Variants in TMEM50B observed in about 807,000 individuals in gnomAD.
The protein encoded by TMEM50B is transmembrane protein 50B.
Under a neutral mutation model 23.4 loss-of-function variants are expected in TMEM50B, and 14 were observed. The ratio of observed to expected loss-of-function variants is 0.60; its 90% CI spans 0.39 to 0.93. The LOEUF (loss-of-function observed/expected upper bound fraction) is 0.93, where lower values mean the gene tolerates loss of function less well. Among genes scored for constraint, TMEM50B ranks in the 40% least tolerant of loss-of-function variants. The pLI is 0.00. For synonymous variants in TMEM50B, 64 were observed against 62.3 expected, an observed-to-expected ratio of 1.03 and a Z score of -0.13; for missense variants, 159 against 193.0, an observed-to-expected ratio of 0.82 and a Z score of 1.04.
chr21:33,447,142 T>G (rs1568973350), downstream of TMEM50B: 1 of 79,352 alleles, frequency 1.3e-5, no homozygotes, highest in African/African-American at 9.1e-5. Flanking sequence ...AAACTCCATC[T>G]GAAAAAAAAA....
rs553600527 is a variant in TMEM50B, at chr21:33,475,007, A to C, written c.-42+4831T>G. 8.6e-5 allele frequency among the ~76,000 whole-genome samples: 13 copies of C among 150,352 alleles called. No homozygotes were observed. The South Asian group carries it at 2.8e-3, about 32-fold the overall frequency. On this transcript the variant is annotated intron_variant, in intron 1 of 6. Transcript: ENST00000542230. Reference sequence around the variant, plus strand: ...AGTGGCGTGATCTGAGCTCACTGCAACCTCCACCTCCCAGGTTCAAGCAAT... The same window carrying C: ...AGTGGCGTGATCTGAGCTCACTGCACCCTCCACCTCCCAGGTTCAAGCAAT...
At chr21:33,434,820 A>T (rs1276765497) in intron 8 of TMEM50B, among the ~76,000 whole-genome samples, 2 of 152,268 alleles carry the variant, frequency 1.3e-5, no homozygotes, top group African/African-American at 4.8e-5. Flanking sequence ...TCAGAATCTT[A>T]CTTGCAGTAA....
At chr21:33,432,624 T>C (rs969598877) in exon 9 of TMEM50B, 28 of 1,416,274 alleles carry the variant, frequency 2.0e-5, no homozygotes, top group Non-Finnish European at 2.7e-5. Context: ...AGGACAGGAA[T>C]GCTCTTTAAG....
chr21:33,444,143 C>T (rs552081807), downstream of TMEM50B, among the ~76,000 whole-genome samples: 7 of 150,606 alleles, frequency 4.6e-5, no homozygotes, highest in Non-Finnish European at 7.4e-5. Flanking sequence ...TCCGGTGATC[C>T]GCCCACCTTG....
chr21:33,461,929 T>C (rs1387244086), intron 4 of TMEM50B, among the ~76,000 whole-genome samples: 1 of 152,096 alleles, frequency 6.6e-6, no homozygotes, highest in African/African-American at 2.4e-5. Flanking sequence ...TCTGAGGGCA[T>C]ATTAACAAAA....
In TMEM50B at chr21:33,466,991, G is replaced by T. The variant is rs958800562; in HGVS notation, c.212+19C>A. 2.5e-6 allele frequency: 4 copies of T among 1,597,530 alleles called. No individual in the cohort carries two copies. The highest frequency in any genetic ancestry group is 2.6e-6 in the Non-Finnish European group (3 of 1,166,686). On this transcript the variant is annotated intron_variant, in intron 3 of 6. Coordinates refer to ENST00000542230, the MANE Select transcript of TMEM50B (RefSeq NM_006134.7). ...TTTTAGAAAAATCACCTTGAATAGA[G>T]AATTATCTTCATACTTACATGAAGA... is the stretch of plus-strand genomic sequence containing the variant.
chr21:33,437,189 C>T (rs1315442008), intron 8 of TMEM50B: 2 of 524,398 alleles, frequency 3.8e-6, no homozygotes, highest in African/African-American at 3.8e-5. Flanking sequence ...CGGAGATATC[C>T]CAGGAAAATT....
At chr21:33,466,896 G>A in intron 3 of TMEM50B, 114 bp downstream of exon 3, 1 of 765,798 alleles carries the variant, frequency 1.3e-6, no homozygotes, top group Non-Finnish European at 2.0e-6. Flanking sequence ...TATGTATCAT[G>A]TTAAAAAATA....
chr21:33,475,939 GC>G lies in TMEM50B; in HGVS notation c.-42+3898del, dbSNP rs1367678439. Among the ~76,000 whole-genome samples, 7 of 151,120 alleles carry G rather than the reference GC, an allele frequency of 4.6e-5. No individual in the cohort carries two copies. In the East Asian group the frequency reaches 1.4e-3, roughly 31 times the overall value. On this transcript the variant is annotated intron_variant, in intron 1 of 6. Transcript: ENST00000542230. The stretch of plus-strand genomic sequence containing the variant: ...ACTGCACTCCGGCCTGGGCAGCAGA[GC>G]CCCCTCTAATCTGAAGGACCTCTCT...
At chr21:33,433,194 A>G (rs1196710050) in intron 8 of TMEM50B, among the ~76,000 whole-genome samples, 2 of 151,928 alleles carry the variant, frequency 1.3e-5, no homozygotes, top group Admixed American at 1.3e-4. Flanking sequence ...CCACGCAGAC[A>G]TCTTAATGGT....
intron 1 of TMEM50B, among the ~76,000 whole-genome samples, chr21:33,471,225 C>G (rs997580022): frequency 2.0e-5 from 3 of 152,136 alleles, no homozygotes; most frequent in African/African-American, 7.2e-5. Flanking sequence ...AAATATAAAA[C>G]CAAGTCTCCA....
downstream of TMEM50B, among the ~76,000 whole-genome samples, chr21:33,446,270 T>G (rs565762637): frequency 3.2e-4 from 48 of 150,962 alleles, no homozygotes; most frequent in Non-Finnish European, 6.3e-4. Flanking sequence ...ACAGTCTTGC[T>G]CTGTTGCCCA....
At chr21:33,477,009 G>C (rs1253582764) in intron 1 of TMEM50B, among the ~76,000 whole-genome samples, 3 of 151,694 alleles carry the variant, frequency 2.0e-5, no homozygotes, top group Non-Finnish European at 4.4e-5. Flanking sequence ...TTCTGAAAAT[G>C]AGGCAAGTTG....
At chr21:33,465,431 AAATG>A (rs1427691779) in intron 3 of TMEM50B, 22 bp from the exon 4 acceptor site, 2 of 1,593,966 alleles carry the variant, frequency 1.3e-6, no homozygotes, top group Non-Finnish European at 1.7e-6. Flanking sequence ...CAAAATCATC[AAATG>A]AATTTCAGTA....
At chr21:33,439,867 GA>G (rs2083993266) in intron 7 of TMEM50B, among the ~76,000 whole-genome samples, 2 of 151,646 alleles carry the variant, frequency 1.3e-5, no homozygotes, top group Non-Finnish European at 1.5e-5. Flanking sequence ...TCAACATGGC[GA>G]AAACCTGTTT....
chr21:33,467,442 G>A (rs974247368), intron 2 of TMEM50B, among the ~76,000 whole-genome samples: 4 of 152,184 alleles, frequency 2.6e-5, no homozygotes, highest in Non-Finnish European at 5.9e-5. Context: ...TGGTCAACAT[G>A]GTGAAACCTC....
At chr21:33,473,912 T>A (rs2084342264) in intron 1 of TMEM50B, among the ~76,000 whole-genome samples, 1 of 152,034 alleles carries the variant, frequency 6.6e-6, no homozygotes, top group African/African-American at 2.4e-5. Context: ...AACAACTGAC[T>A]AAGTAAAAGA....
rs2084099771 is a variant in TMEM50B, at chr21:33,449,718, TTTAA to T, written c.*1096_*1099del. 6.6e-6 allele frequency: 1 copy of T among 152,542 alleles called. No individual in the cohort carries two copies. Among genetic ancestry groups the T allele is most frequent in the South Asian group, 2.1e-4 (1 of 4,836 alleles). 9.4% of individuals were successfully genotyped at this position (152,542 alleles called of 1,614,324 possible). A position where few individuals can be genotyped will look rare whatever the true frequency, so the allele number is the denominator to read the frequency against. On this transcript the variant is annotated 3_prime_UTR_variant, in exon 7 of 7. Transcript: ENST00000542230. ...TCCCTTTGGGAAGAAGTGCTTTATC[TTTAA>T]TTATTCCACTTTTTGTTAAATGGTT...
intron 8 of TMEM50B, among the ~76,000 whole-genome samples, chr21:33,437,740 T>G (rs2083971364): frequency 6.6e-6 from 1 of 152,142 alleles, no homozygotes; most frequent in South Asian, 2.1e-4. Flanking sequence ...TCCCAGCACT[T>G]TGGGAGGCTG....
Sources: allele counts gnomAD v4.1 joint callset (sites outside exome capture counted in the v4.1 genomes callset), GRCh38; gene constraint gnomAD v4.1.1; transcripts MANE v1.5; gene names NCBI Gene and HGNC (gene_info 2026-07-23, HGNC 2026-07-21).